The following DACH2 variants were observed in gnomAD, a reference collection of about 807,000 sequenced individuals.
DACH2 encodes dachshund family transcription factor 2.
In DACH2, 17 loss-of-function variants were observed where a neutral mutation model predicts 35.8. The observed-to-expected ratio is 0.48, with a 90% confidence interval of 0.33 to 0.71. DACH2 has a LOEUF of 0.71. Among genes scored for constraint, DACH2 ranks in the 30% least tolerant of loss-of-function variants. The pLI, the probability that DACH2 is intolerant of heterozygous loss-of-function variation, is 0.02. For synonymous variants in DACH2, 195 were observed against 177.3 expected (o/e 1.10, Z -0.79); for missense variants, 469 against 472.7 (o/e 0.99, Z 0.07).
At chrX:86,611,018 T>A (rs1490868565) in intron 3 of DACH2, among the ~76,000 whole-genome samples, 1 of 110,689 alleles carries the variant, frequency 9.0e-6, no homozygotes, top group Non-Finnish European at 1.9e-5. Flanking sequence ...TCGCAATATG[T>A]TGGGTCTCAC....
chrX:86,257,728 T>C (rs755851227), intron 1 of DACH2, among the ~76,000 whole-genome samples: 3 of 112,408 alleles, frequency 2.7e-5, no homozygotes, highest in Non-Finnish European at 5.6e-5. Context: ...GCTCTTAATA[T>C]ATAAGAAGCA....
chrX:86,801,266 C>T (rs1361633653), intron 7 of DACH2, among the ~76,000 whole-genome samples: 1 of 108,695 alleles, frequency 9.2e-6, no homozygotes, highest in African/African-American at 3.4e-5. Context: ...ATTGCCCACG[C>T]TGGAGTGCAG....
intron 1 of DACH2, among the ~76,000 whole-genome samples, chrX:86,322,461 C>T (rs1003374189): frequency 2.5e-4 from 28 of 111,221 alleles, no homozygotes; most frequent in Middle Eastern, 4.7e-3. Flanking sequence ...CCCCCACCGA[C>T]GGTTCTCCCT....
At chrX:86,523,016 G>A (rs767619440) in intron 3 of DACH2, among the ~76,000 whole-genome samples, 2 of 111,637 alleles carry the variant, frequency 1.8e-5, no homozygotes, top group East Asian at 5.7e-4. Context: ...AGATTTAAAC[G>A]GACAGCTTAC....
intron 1 of DACH2, among the ~76,000 whole-genome samples, chrX:86,174,225 C>T (rs182091818): frequency 0.013 from 1,323 of 105,241 alleles, 24 homozygotes; most frequent in African/African-American, 0.043. Context: ...CGAGCTCAAG[C>T]GATCATACTG....
At chrX:86,674,739 G>A (rs2040807837) in intron 4 of DACH2, among the ~76,000 whole-genome samples, 2 of 111,253 alleles carry the variant, frequency 1.8e-5, no homozygotes, top group African/African-American at 3.3e-5. Flanking sequence ...TGAAAATACA[G>A]GATTTCTGCT....
intron 7 of DACH2, among the ~76,000 whole-genome samples, chrX:86,801,060 T>C (rs2042289172): frequency 1.8e-5 from 2 of 111,561 alleles, no homozygotes; most frequent in African/African-American, 6.5e-5. Context: ...ATTAAATATA[T>C]ATTTTTAATA....
Position 86,325,692 on chromosome X carries a change from A to T in DACH2, c.489-51132A>T, listed in dbSNP as rs375987709. ...GCATAATTTGTAAATGTGAACTGGAAGTAAAAATTTTCACTCAACATTTCC... is the reference window on the plus strand; with the variant it reads ...GCATAATTTGTAAATGTGAACTGGATGTAAAAATTTTCACTCAACATTTCC... On this transcript the variant is annotated intron_variant, in intron 1 of 11. Coordinates refer to ENST00000373125, the MANE Select transcript of DACH2 (RefSeq NM_053281.3). 3.6e-5 allele frequency among the ~76,000 whole-genome samples: 4 copies of T among 112,496 alleles called. No individual in the cohort carries two copies. In the East Asian group the frequency reaches 1.1e-3, roughly 31 times the overall value.
chrX:86,637,206 CAAAAAAAAAAAAAAAAAAA>C (rs772970002), intron 3 of DACH2, among the ~76,000 whole-genome samples: 14 of 7,761 alleles, frequency 1.8e-3, no homozygotes, highest in Admixed American at 3.1e-3. Flanking sequence ...ACTGAAAAGC[CAAAAAAAAAAAAAAAAAAA>C]AAAAAAAAAA....
chrX:86,831,913 T>G (rs1308866656), intron 11 of DACH2, 193 bp from the exon 12 acceptor site: 4 of 389,810 alleles, frequency 1.0e-5, no homozygotes, highest in Non-Finnish European at 1.3e-5. Flanking sequence ...AGCTATAGCA[T>G]GAAATTTGAA....
chrX:86,734,066 G>A (rs2041566806), intron 6 of DACH2, among the ~76,000 whole-genome samples: 1 of 110,617 alleles, frequency 9.0e-6, no homozygotes, highest in South Asian at 3.8e-4. Context: ...TGGAAACCAT[G>A]CATTTTTCCC....
At chrX:86,737,282 T>G (rs2041606309) in intron 6 of DACH2, among the ~76,000 whole-genome samples, 1 of 111,446 alleles carries the variant, frequency 9.0e-6, no homozygotes, top group South Asian at 3.7e-4. Flanking sequence ...AGACATTATG[T>G]GACAAGTAGA....
At chrX:86,513,942 CATTT>C (rs2038430285) in intron 2 of DACH2, among the ~76,000 whole-genome samples, 1 of 111,684 alleles carries the variant, frequency 9.0e-6, no homozygotes, top group Non-Finnish European at 1.9e-5. Context: ...ATCTCAGAAG[CATTT>C]ATTAATACTT....
At chrX:86,474,514 T>A (rs1194282365) in intron 2 of DACH2, among the ~76,000 whole-genome samples, 1 of 112,084 alleles carries the variant, frequency 8.9e-6, no homozygotes, top group Non-Finnish European at 1.9e-5. Context: ...AAGTATTTAA[T>A]CTATTTTGAT....
At chrX:86,253,313 G>C (rs1373200873) in intron 1 of DACH2, among the ~76,000 whole-genome samples, 1 of 111,648 alleles carries the variant, frequency 9.0e-6, no homozygotes, top group Non-Finnish European at 1.9e-5. Context: ...AATGCTCATG[G>C]GTGGGTAGAA....
At position 86,631,815 on chromosome X, in the gene DACH2, T is replaced by G. The variant is rs189167339; in HGVS notation, c.641-19221T>G. On this transcript the variant is annotated intron_variant, in intron 3 of 11. Transcript: ENST00000373125. ...CTTTTTTGGTTCTTTTCCTTGTAAA[T>G]TGTATTGCAAGCCATCATTTTTTTT... 3.7e-3 allele frequency among the ~76,000 whole-genome samples: 418 copies of G among 111,734 alleles called. 2 individuals are homozygous for G. Among genetic ancestry groups the G allele is most frequent in the Non-Finnish European group, 4.5e-3 (238 of 53,045 alleles).
intron 3 of DACH2, among the ~76,000 whole-genome samples, chrX:86,566,586 A>C (rs1294774566): frequency 1.8e-5 from 2 of 111,540 alleles, no homozygotes; most frequent in Non-Finnish European, 3.8e-5. Flanking sequence ...TATACTGCTT[A>C]TGTAGATATA....
At chrX:86,313,105 G>T (rs2034831558) in intron 1 of DACH2, among the ~76,000 whole-genome samples, 1 of 111,060 alleles carries the variant, frequency 9.0e-6, no homozygotes, top group South Asian at 3.7e-4. Context: ...ACCATGATAT[G>T]ATTATTATAT....
At chrX:86,565,569 T>C (rs181629037) in intron 3 of DACH2, among the ~76,000 whole-genome samples, 2 of 111,785 alleles carry the variant, frequency 1.8e-5, no homozygotes, top group East Asian at 5.7e-4. Flanking sequence ...TGGGGATATA[T>C]ACAGTGGCTT....
Sources: allele counts gnomAD v4.1 joint callset (sites outside exome capture counted in the v4.1 genomes callset), GRCh38; gene constraint gnomAD v4.1.1; transcripts MANE v1.5; gene names NCBI Gene and HGNC (gene_info 2026-07-23, HGNC 2026-07-21).